The following CSMD1 variants were observed in gnomAD, a reference collection of about 807,000 sequenced individuals.
CSMD1 encodes the protein CUB and sushi domain-containing protein 1.
A neutral mutation model predicts 417.5 loss-of-function variants in CSMD1; 213 were observed. That is an observed-to-expected ratio of 0.51 (90% CI 0.46 to 0.57). The LOEUF (loss-of-function observed/expected upper bound fraction) is 0.57. Among genes scored for constraint, CSMD1 ranks in the 20% least tolerant of loss-of-function variants. The pLI, the probability that CSMD1 is intolerant of heterozygous loss-of-function variation, is 0.00. For synonymous variants in CSMD1, 2,862 were observed against 1,736.8 expected, an observed-to-expected ratio of 1.65 and a Z score of -16.11; for missense variants, 6,923 against 4,529.7, an observed-to-expected ratio of 1.53 and a Z score of -15.17.
At chr8:3,730,860 T>G (rs754533433) in intron 6 of CSMD1, among the ~76,000 whole-genome samples, 8 of 152,092 alleles carry the variant, frequency 5.3e-5, no homozygotes, top group Non-Finnish European at 1.0e-4. Context: ...ATGCTAGAGG[T>G]GATAAGAGAG....
At chr8:3,960,783 G>T (rs1812273514) in intron 5 of CSMD1, among the ~76,000 whole-genome samples, 1 of 151,666 alleles carries the variant, frequency 6.6e-6, no homozygotes, top group Non-Finnish European at 1.5e-5. Context: ...AACATATGTA[G>T]AAACTGGAAA....
At chr8:3,999,119 T>A (rs995887895) in intron 4 of CSMD1, among the ~76,000 whole-genome samples, 3 of 151,720 alleles carry the variant, frequency 2.0e-5, no homozygotes, top group Non-Finnish European at 4.4e-5. Flanking sequence ...GCATGTTTTT[T>A]AAAATTTCTT....
intron 3 of CSMD1, among the ~76,000 whole-genome samples, chr8:4,281,139 C>G (rs1796759013): frequency 6.6e-6 from 1 of 152,114 alleles, no homozygotes; most frequent in African/African-American, 2.4e-5. Context: ...GGCACTCAGC[C>G]CTCGGGAGCA....
chr8:4,051,496 C>G (rs191857182), intron 3 of CSMD1, among the ~76,000 whole-genome samples: 1 of 152,248 alleles, frequency 6.6e-6, no homozygotes, highest in African/African-American at 2.4e-5. Context: ...TGTTGTTATT[C>G]TGTATTTCCA....
intron 3 of CSMD1, among the ~76,000 whole-genome samples, chr8:4,276,693 T>G (rs1023504019): frequency 3.3e-5 from 5 of 152,210 alleles, no homozygotes; most frequent in African/African-American, 1.2e-4. Flanking sequence ...AACGAAGTCT[T>G]TAGTTCCAGT....
intron 7 of CSMD1, among the ~76,000 whole-genome samples, chr8:3,651,519 T>C (rs1323840152): frequency 6.6e-6 from 1 of 152,142 alleles, no homozygotes; most frequent in East Asian, 1.9e-4. Flanking sequence ...CCTCGGTTTC[T>C]CCAGGTGTCT....
chr8:3,790,938 C>A (rs761467840), intron 5 of CSMD1, among the ~76,000 whole-genome samples: 1 of 152,092 alleles, frequency 6.6e-6, no homozygotes, highest in East Asian at 1.9e-4. Context: ...CAGATGACAC[C>A]TGTCATTTTA....
At chr8:3,483,946 G>T in intron 11 of CSMD1, among the ~76,000 whole-genome samples, 1 of 152,304 alleles carries the variant, frequency 6.6e-6, no homozygotes, top group East Asian at 1.9e-4. Context: ...GACACATAGT[G>T]TTCATGAGCT....
At chr8:4,092,534 A>G (rs10216832) in intron 3 of CSMD1, among the ~76,000 whole-genome samples, 5,680 of 152,254 alleles carry the variant, frequency 0.037, 232 homozygotes, top group African/African-American at 0.096. Context: ...GAATAGAAGT[A>G]TTTTGGAAAA....
intron 59 of CSMD1, among the ~76,000 whole-genome samples, chr8:2,964,318 C>T (rs1235315010): frequency 6.6e-6 from 1 of 152,214 alleles, no homozygotes; most frequent in Non-Finnish European, 1.5e-5. Context: ...ACTCCACCTT[C>T]TACTGATCTG....
intron 1 of CSMD1, among the ~76,000 whole-genome samples, chr8:4,986,399 G>A (rs1811180135): frequency 6.6e-6 from 1 of 152,078 alleles, no homozygotes. Context: ...TGTTAAAAAA[G>A]AAGAGGAGGA....
rs1563151611 is a variant in CSMD1 at position 3,558,110 on chromosome 8, G to GAT, written c.1344+16834_1344+16835insAT. ...CGTGTCGACTCCTCCAATGATGAAT[G>GAT]GTGCCTCAATGGTACCCCGTGTCCA... is the stretch of plus-strand genomic sequence containing the variant. On this transcript the variant is annotated intron_variant, in intron 10 of 69. Coordinates refer to ENST00000635120, the MANE Select transcript of CSMD1 (RefSeq NM_033225.6). Among the ~76,000 whole-genome samples the GAT allele has an allele frequency of 4.2e-5, 6 of 142,466 alleles. No individual in the cohort carries two copies. In the South Asian group the frequency reaches 1.1e-3, roughly 27 times the overall value. 93.5% of individuals were successfully genotyped at this position (142,466 alleles called of 152,430 possible). A position where few individuals can be genotyped will look rare whatever the true frequency, so the allele number is the denominator to read the frequency against.
At chr8:3,649,901 G>C (rs1335200906) in intron 7 of CSMD1, among the ~76,000 whole-genome samples, 1 of 152,106 alleles carries the variant, frequency 6.6e-6, no homozygotes, top group Admixed American at 6.5e-5. Context: ...ATCTAGCCCA[G>C]AGCTTTGTGC....
At chr8:4,271,475 C>G (rs188066090) in intron 3 of CSMD1, among the ~76,000 whole-genome samples, 26 of 151,964 alleles carry the variant, frequency 1.7e-4, no homozygotes, top group African/African-American at 6.3e-4. Context: ...CAATGCAATA[C>G]ATTTTTCATA....
At chr8:2,985,416 G>T (rs2128942883) in intron 54 of CSMD1, among the ~76,000 whole-genome samples, 1 of 152,086 alleles carries the variant, frequency 6.6e-6, no homozygotes. Context: ...CGTGAGGGAG[G>T]AGACTGGTGT....
rs370912795 is a variant in CSMD1, at chr8:3,796,246, A to G, written c.819-42204T>C. 3.0e-4 allele frequency among the ~76,000 whole-genome samples: 9 copies of G among 29,804 alleles called. 2 individuals are homozygous for G. In the East Asian group the frequency reaches 4.0e-3, roughly 13 times the overall value. The allele number at this position is 29,804 out of a possible 152,430, so 19.6% of individuals were successfully genotyped here. ...ATATATCTATCATAGATATAGATAT[A>G]TATCTATCATGTATAGATATAGATA... On this transcript the variant is annotated intron_variant, in intron 5 of 69. Coordinates refer to ENST00000635120, the MANE Select transcript of CSMD1 (RefSeq NM_033225.6).
At chr8:3,774,474 T>C (rs1437141692) in intron 5 of CSMD1, among the ~76,000 whole-genome samples, 3 of 152,172 alleles carry the variant, frequency 2.0e-5, no homozygotes, top group Non-Finnish European at 4.4e-5. Flanking sequence ...GCCTGGCTCA[T>C]AGGACAGAGA....
chr8:3,273,859 G>T (rs113349556), intron 26 of CSMD1, among the ~76,000 whole-genome samples: 41,724 of 151,716 alleles, frequency 0.28, 5,948 homozygotes, highest in African/African-American at 0.34. Context: ...CCAATTTTGT[G>T]GATCCTTTCA....
Position 2,978,739 on chromosome 8 carries a change from G to C in CSMD1, c.8439C>G (p.Phe2813Leu), listed in dbSNP as rs766586690. ...TCATTCCATACTCAAAACTCTCAGG[G>C]AAGTTCTGTTGCCCGTGACGAATGG... ...ENAIRHGQQN[F>L]PESFEYGMSI... Residue 2813 changes from phenylalanine (F) to leucine (L), a missense_variant, in exon 55 of 70, where the codon TTC (phenylalanine) becomes TTG (leucine). Coordinates refer to ENST00000635120, the MANE Select transcript of CSMD1 (RefSeq NM_033225.6). 6.2e-7 allele frequency: 1 copy of C among 1,613,556 alleles called. No homozygotes were observed. The highest frequency in any genetic ancestry group is 8.5e-7 in the Non-Finnish European group (1 of 1,179,752).
Sources: allele counts gnomAD v4.1 joint callset (sites outside exome capture counted in the v4.1 genomes callset), GRCh38; gene constraint gnomAD v4.1.1; transcripts MANE v1.5; gene names NCBI Gene and HGNC (gene_info 2026-07-23, HGNC 2026-07-21).